The following TSC22D2 variants were observed in gnomAD, a reference collection of about 807,000 sequenced individuals.
TSC22D2 encodes TSC22 domain family protein 2.
A neutral mutation model predicts 50.1 loss-of-function variants in TSC22D2; 5 were observed. That is an observed-to-expected ratio of 0.10 (90% CI 0.05 to 0.21). The LOEUF (loss-of-function observed/expected upper bound fraction) is 0.21, where lower values mean the gene tolerates loss of function less well. TSC22D2 is among the 10% of genes least tolerant of loss of function. The pLI is 1.00. For missense variants in TSC22D2, 1,003 were observed against 1,015.5 expected (o/e 0.99, Z 0.17); for synonymous variants, 501 against 450.1 (o/e 1.11, Z -1.43).
At chr3:150,451,784 C>G (rs1399668784) in intron 1 of TSC22D2, among the ~76,000 whole-genome samples, 1 of 152,196 alleles carries the variant, frequency 6.6e-6, no homozygotes, top group Non-Finnish European at 1.5e-5. Flanking sequence ...ATTAAGTGTT[C>G]TTTTCCTCTA....
intron 1 of TSC22D2, among the ~76,000 whole-genome samples, chr3:150,435,648 A>G (rs527278223): frequency 6.6e-6 from 1 of 152,282 alleles, no homozygotes; most frequent in South Asian, 2.1e-4. Flanking sequence ...TGAAAACAAA[A>G]TTTTCTATCA....
chr3:150,411,256 C>G lies in TSC22D2; in HGVS notation c.1906C>G (p.Leu636Val). The G allele has an allele frequency of 6.2e-7, 1 of 1,614,218 alleles. No individual in the cohort carries two copies. The highest frequency in any genetic ancestry group is 8.5e-7 in the Non-Finnish European group (1 of 1,180,022). Residue 636 changes from leucine (L) to valine (V), a missense_variant, in exon 1 of 3, where the codon CTG becomes GTG. Leu to Val is a conservative substitution (Grantham distance 32). Transcript: ENST00000688009. ...NPLQLTPMNS[L>V]ATSVFSIAIP... ...CCTTCAGTTAACACCTATGAACAGTCTGGCCACCTCTGTATTCAGCATAGC... is the reference window on the plus strand; with the variant it reads ...CCTTCAGTTAACACCTATGAACAGTGTGGCCACCTCTGTATTCAGCATAGC...
intron 1 of TSC22D2, among the ~76,000 whole-genome samples, chr3:150,447,899 C>G (rs1166984593): frequency 6.6e-6 from 1 of 152,106 alleles, no homozygotes; most frequent in African/African-American, 2.4e-5. Context: ...ATTATAGTGT[C>G]GAGTTTTTAA....
chr3:150,438,088 T>TA (rs141976953), intron 1 of TSC22D2: 29,582 of 216,474 alleles, frequency 0.14, 2,678 homozygotes, highest in East Asian at 0.33. Context: ...TTTCATTTTT[T>TA]AAAGTACAAA....
chr3:150,450,940 G>A (rs1230555006), intron 1 of TSC22D2, among the ~76,000 whole-genome samples: 1 of 152,126 alleles, frequency 6.6e-6, no homozygotes, highest in Non-Finnish European at 1.5e-5. Flanking sequence ...GATGGGAGTG[G>A]GTGGAATAAA....
chr3:150,438,237 A>G, intron 1 of TSC22D2: 1 of 427,334 alleles, frequency 2.3e-6, no homozygotes, highest in Non-Finnish European at 4.8e-6. Context: ...GGAATGTGAC[A>G]TAATAATGAT....
At chr3:150,449,268 AT>A (rs1720971130) in intron 1 of TSC22D2, among the ~76,000 whole-genome samples, 2 of 151,890 alleles carry the variant, frequency 1.3e-5, no homozygotes, top group Admixed American at 6.6e-5. Flanking sequence ...CCATTTGTTC[AT>A]GTCTGGAGTT....
chr3:150,441,554 G>A (rs1720717815), intron 1 of TSC22D2, among the ~76,000 whole-genome samples: 2 of 152,074 alleles, frequency 1.3e-5, no homozygotes, highest in African/African-American at 4.8e-5. Flanking sequence ...GAGCCCAGGA[G>A]TTCAAGACCA....
intron 2 of TSC22D2, among the ~76,000 whole-genome samples, chr3:150,457,839 T>C (rs886933281): frequency 6.6e-6 from 1 of 152,038 alleles, no homozygotes; most frequent in Non-Finnish European, 1.5e-5. Context: ...TTTCACCATG[T>C]TGGCCAAGGT....
In TSC22D2 at chr3:150,435,537, A is replaced by C. The variant is rs1253248697; in HGVS notation, c.1959-21539A>C. 5.3e-5 allele frequency among the ~76,000 whole-genome samples: 8 copies of C among 152,278 alleles called. 1 individual carries two copies. In the South Asian group the frequency reaches 1.7e-3, roughly 32 times the overall value. On this transcript the variant is annotated intron_variant, in intron 1 of 2. Coordinates refer to ENST00000688009, the MANE Select transcript of TSC22D2 (RefSeq NM_001303264.2). Reference sequence around the variant, plus strand: ...TATCATGGCTAGGATTTCTCCAAACAATGTAGTGAACTTTTTTGAACAGCA... The same window carrying C: ...TATCATGGCTAGGATTTCTCCAAACCATGTAGTGAACTTTTTTGAACAGCA...
In TSC22D2 at chr3:150,410,364, G is replaced by C. The variant is rs202096813; in HGVS notation, c.1014G>C (p.Leu338=). 1 of 1,601,166 alleles carries C rather than the reference G, an allele frequency of 6.2e-7. No homozygotes were observed. The highest frequency in any genetic ancestry group is 8.5e-7 in the Non-Finnish European group (1 of 1,174,304). ...CCCTGGCGCAGCCGGCTATGTCCCT[G>C]CCTCCGCAGCCGGGCCCTGCAGTGG... ...NVTLAQPAMS[L]PPQPGPAVGA... is the part of the protein sequence containing the mutation. The change falls in exon 1 of 3, where the codon CTG becomes CTC. Residue 338 remains leucine (L), a synonymous_variant. Transcript: ENST00000688009.
chr3:150,423,038 G>A, intron 1 of TSC22D2: 2 of 1,609,016 alleles, frequency 1.2e-6, no homozygotes, highest in Non-Finnish European at 1.7e-6. Context: ...TTTGATTCTC[G>A]GATCTCACAG....
rs1318886815 is a variant in TSC22D2, at chr3:150,410,532, G to A, written c.1182G>A (p.Ala394=). Reference sequence around the variant, plus strand: ...CCGGCCTGCAGCCGCCAAGCCCCGCGCAGCCCTCGTCCACCGGCGCCGCAG... The same window carrying A: ...CCGGCCTGCAGCCGCCAAGCCCCGCACAGCCCTCGTCCACCGGCGCCGCAG... ...HVAGLQPPSP[A]QPSSTGAAAS... is the part of the protein sequence containing the mutation. The change falls in exon 1 of 3, where the codon GCG becomes GCA. Residue 394 remains alanine (A), a synonymous_variant. Transcript: ENST00000688009. The A allele has an allele frequency of 5.7e-6, 9 of 1,573,040 alleles. No homozygotes were observed. The highest frequency in any genetic ancestry group is 1.4e-5 in the African/African-American group (1 of 73,026).
At chr3:150,453,102 T>C (rs902169907) in intron 1 of TSC22D2, among the ~76,000 whole-genome samples, 92 of 152,314 alleles carry the variant, frequency 6.0e-4, no homozygotes, top group African/African-American at 2.0e-3. Context: ...ATCTGAAATA[T>C]TTATACTACC....
chr3:150,420,944 G>T (rs936791054), intron 1 of TSC22D2, among the ~76,000 whole-genome samples: 1 of 152,174 alleles, frequency 6.6e-6, no homozygotes, highest in East Asian at 1.9e-4. Flanking sequence ...TTAGCTGCGC[G>T]TGGTGGTGGG....
Position 150,410,773 on chromosome 3 carries a change from G to A in TSC22D2, c.1423G>A (p.Ala475Thr), listed in dbSNP as rs781132317. Residue 475 changes from alanine to threonine, a missense_variant, in exon 1 of 3, where the codon GCT (alanine) becomes ACT (threonine). Transcript: ENST00000688009. ...VVQPCLGPAGAGQPQSVPPPQ... is the reference protein window; with the variant it reads ...VVQPCLGPAGTGQPQSVPPPQ... ...GCAGCCGTGCCTCGGTCCTGCCGGG[G>A]CTGGGCAGCCCCAGTCCGTGCCTCC... 1.4e-5 allele frequency: 23 copies of A among 1,611,248 alleles called. No individual in the cohort carries two copies. The highest frequency in any genetic ancestry group is 6.6e-5 in the South Asian group (6 of 90,754).
At position 150,409,356 on chromosome 3, in the gene TSC22D2, C is replaced by A; in HGVS notation, c.6C>A (p.Ser2=). ...GCCCTCCAGCCTTCTTCACCATGTCCAAGATGCCGGCCAAGAAGAAGAGCT... is the reference window on the plus strand; with the variant it reads ...GCCCTCCAGCCTTCTTCACCATGTCAAAGATGCCGGCCAAGAAGAAGAGCT... M[S]KMPAKKKSCF... Residue 2 remains serine (S), a synonymous_variant, in exon 1 of 3, where the codon TCC becomes TCA. Coordinates refer to ENST00000688009, the MANE Select transcript of TSC22D2 (RefSeq NM_001303264.2). The surrounding 1 kb of genome is among the most constrained non-coding windows in gnomAD (Gnocchi z 7.4). 6.3e-7 allele frequency: 1 copy of A among 1,597,076 alleles called. No homozygotes were observed. Among genetic ancestry groups the A allele is most frequent in the Non-Finnish European group, 8.6e-7 (1 of 1,167,382 alleles).
At chr3:150,416,014 AAGGAATGGTAGTT>A (rs1450061321) in intron 1 of TSC22D2, among the ~76,000 whole-genome samples, 1 of 152,230 alleles carries the variant, frequency 6.6e-6, no homozygotes, top group Non-Finnish European at 1.5e-5. Flanking sequence ...TTTCCTAATA[AAGGAATGGTAGTT>A]AGGAAAGTAT....
chr3:150,412,396 T>G (rs967636584), intron 1 of TSC22D2, among the ~76,000 whole-genome samples: 4 of 152,204 alleles, frequency 2.6e-5, no homozygotes, highest in Non-Finnish European at 5.9e-5. Flanking sequence ...ATTATGGATT[T>G]CCAGAATAAT....
Sources: allele counts gnomAD v4.1 joint callset (sites outside exome capture counted in the v4.1 genomes callset), GRCh38; gene constraint gnomAD v4.1.1; non-coding constraint Gnocchi (gnomAD v3.1); transcripts MANE v1.5; gene names NCBI Gene and HGNC (gene_info 2026-07-23, HGNC 2026-07-21).